The following SART3 variants were observed in gnomAD, a reference collection of about 807,000 sequenced individuals.
SART3 encodes HIV-1 Tat-interacting protein of 110kDa.
In SART3, 44 loss-of-function variants were observed where a neutral mutation model predicts 122.3. The observed-to-expected ratio is 0.36, with a 90% CI of 0.28 to 0.46. The LOEUF (loss-of-function observed/expected upper bound fraction) is 0.46. Among genes scored for constraint, SART3 ranks in the 20% least tolerant of loss-of-function variants. The probability of loss-of-function intolerance (pLI) is 1.00; values close to 1 mark genes in which losing one functional copy is unlikely to be tolerated. For synonymous variants in SART3, 442 were observed against 454.0 expected (o/e 0.97, Z 0.34); for missense variants, 1,101 against 1,229.0 (o/e 0.90, Z 1.56).
rs1435368576 is a variant in SART3, at chr12:108,545,173, C to T, written c.695G>A (p.Arg232Gln). 4 of 1,614,132 alleles carry T rather than the reference C, an allele frequency of 2.5e-6. No individual in the cohort carries two copies. Among genetic ancestry groups the T allele is most frequent in the Non-Finnish European group, 3.4e-6 (4 of 1,180,034 alleles). The change falls in exon 4 of 19, where the codon CGA (arginine) becomes CAA (glutamine). Residue 232 changes from arginine (R) to glutamine (Q), a missense_variant. By Grantham distance (43) the Arg-to-Gln change is conservative. Around this residue, in one of 2 missense-constraint regions of SART3, gnomAD observed 885 missense variants for 1,080.1 expected, o/e 0.82. Coordinates refer to ENST00000546815, the MANE Select transcript of SART3 (RefSeq NM_014706.4). ...TKGLALWEAY[R>Q]EFESAIVEAA... The stretch of plus-strand genomic sequence containing the variant: ...TTCCACAATCGCACTTTCAAACTCT[C>T]GGTAAGCCTCCCAGAGGGCGAGTCC...
chr12:108,545,222 A>T lies in SART3; in HGVS notation c.646T>A (p.Ser216Thr). 1 of 1,614,160 alleles carries T rather than the reference A, an allele frequency of 6.2e-7. No homozygotes were observed. The highest frequency in any genetic ancestry group is 8.5e-7 in the Non-Finnish European group (1 of 1,180,020). ...VRSVFERALSSVGLHMTKGLA... is the reference protein window; with the variant it reads ...VRSVFERALSTVGLHMTKGLA... ...CCTTTGGTCATATGTAAACCAACAG[A>T]CGAGAGAGCCCTTTCAAACACGGAG... The change falls in exon 4 of 19, where the codon TCT (serine) becomes ACT (threonine). Residue 216 changes from serine to threonine, a missense_variant. This residue lies in a region of SART3 where 885 missense variants were observed against 1,080.1 expected (regional missense o/e 0.82). Coordinates refer to ENST00000546815, the MANE Select transcript of SART3 (RefSeq NM_014706.4).
rs184899107 is a variant in SART3 at position 108,533,233 on chromosome 12, G to A, written c.1557-899C>T. 3.5e-3 allele frequency among the ~76,000 whole-genome samples: 535 copies of A among 152,120 alleles called. 2 individuals are homozygous for A. The highest frequency in any genetic ancestry group is 5.2e-3 in the Non-Finnish European group (355 of 67,994). ...TTATAATAATACCAAGACATTACTG[G>A]ACTTTTTCACTGTGTTGACATCTTC... On this transcript the variant is annotated intron_variant, in intron 12 of 18. Coordinates refer to ENST00000546815, the MANE Select transcript of SART3 (RefSeq NM_014706.4).
chr12:108,554,814 T>G (rs2030149510), intron 1 of SART3, among the ~76,000 whole-genome samples: 1 of 151,792 alleles, frequency 6.6e-6, no homozygotes, highest in Non-Finnish European at 1.5e-5. Flanking sequence ...AAGAAACAGA[T>G]ATAGAGAAAA....
At chr12:108,537,216 T>C in intron 9 of SART3, 1 of 461,482 alleles carries the variant, frequency 2.2e-6, no homozygotes, top group Non-Finnish European at 4.0e-6. Context: ...TCAAGAAGTA[T>C]TTAGGATAAA....
At chr12:108,560,563 G>T in intron 1 of SART3, 1 of 462,158 alleles carries the variant, frequency 2.2e-6, no homozygotes. Context: ...GTTATCTTGA[G>T]CAAGAAACTT....
rs376280524 is a variant in SART3, at chr12:108,549,188, G to A, written c.339C>T (p.Asn113=). ...GCAGTCTGATCAAGTCCACATGGCA[G>A]TTGTAGTCATAGACGTTGATAGACA... ...EQLSINVYDY[N]CHVDLIRLLR... Residue 113 remains asparagine (N), a synonymous_variant, in exon 2 of 19, where the codon AAC becomes AAT. Coordinates refer to ENST00000546815, the MANE Select transcript of SART3 (RefSeq NM_014706.4). The A allele has an allele frequency of 2.5e-5, 40 of 1,614,100 alleles. No individual in the cohort carries two copies. The highest frequency in any genetic ancestry group is 3.2e-5 in the Non-Finnish European group (38 of 1,180,038).
At chr12:108,543,237 C>T (rs544430155) in intron 5 of SART3, 85 bp from the exon 6 acceptor site, 183 of 1,502,732 alleles carry the variant, frequency 1.2e-4, no homozygotes, top group Admixed American at 5.5e-4. Flanking sequence ...GACTCAGGTG[C>T]CACTAGCCCC....
In SART3 at chr12:108,543,100, T is replaced by C. The variant is rs1565863875; in HGVS notation, c.834A>G (p.Pro278=). 1.2e-6 allele frequency: 2 copies of C among 1,614,236 alleles called. No homozygotes were observed. Among genetic ancestry groups the C allele is most frequent in the East Asian group, 4.5e-5 (2 of 44,886 alleles). The change falls in exon 6 of 19, where the codon CCA becomes CCG. Residue 278 remains proline, a synonymous_variant. Coordinates refer to ENST00000546815, the MANE Select transcript of SART3 (RefSeq NM_014706.4). Reference sequence around the variant, plus strand: ...TGTTATAGTTCTGAATTACTGACTCTGGTATTGGGTCTTCTGACCATTCTT... The same window carrying C: ...TGTTATAGTTCTGAATTACTGACTCCGGTATTGGGTCTTCTGACCATTCTT... The part of the protein sequence containing the change: ...EYEEWSEDPI[P]ESVIQNYNKA...
intron 6 of SART3, 146 bp downstream of exon 6, chr12:108,542,879 TTTA>T (rs1311149249): frequency 9.0e-7 from 1 of 1,114,378 alleles, no homozygotes. Flanking sequence ...GGATGTTCAC[TTTA>T]TTATTAGTAT....
chr12:108,544,400 G>A, intron 5 of SART3, 27 bp downstream of exon 5: 1 of 1,585,500 alleles, frequency 6.3e-7, no homozygotes, highest in Non-Finnish European at 8.7e-7. Flanking sequence ...ATAGAGGGCT[G>A]GCTGTTGACA....
At chr12:108,545,967 CAAAAA>C (rs367848748) in intron 3 of SART3, among the ~76,000 whole-genome samples, 2 of 108,958 alleles carry the variant, frequency 1.8e-5, no homozygotes, top group South Asian at 7.3e-4. Context: ...GACTCTCTCT[CAAAAA>C]AAAAAAAAAA....
chr12:108,544,740 G>C (rs944453799), intron 4 of SART3: 4 of 607,376 alleles, frequency 6.6e-6, no homozygotes, highest in Non-Finnish European at 8.8e-6. Context: ...TAATGTTTTA[G>C]TTCTTGTAGA....
intron 16 of SART3, 63 bp from the exon 17 acceptor site, chr12:108,525,672 C>T: frequency 6.5e-7 from 1 of 1,530,872 alleles, no homozygotes; most frequent in Non-Finnish European, 9.0e-7. Flanking sequence ...TCACCTGACT[C>T]CTCTGACACC....
rs771158811 is a variant in SART3 at position 108,560,919 on chromosome 12, G to A, written c.236C>T (p.Ser79Phe). The part of the protein sequence containing the change: ...EYAMASSAES[S>F]PGEYEWEYDE... The stretch of plus-strand genomic sequence containing the variant: ...ATATTCCCACTCGTACTCCCCGGGG[G>A]AGCTCTCCGCGGAGGAAGCCATGGC... The change falls in exon 1 of 19, where the codon TCC (serine) becomes TTC (phenylalanine). Residue 79 changes from serine to phenylalanine, a missense_variant. This residue lies in a region of SART3 where 216 missense variants were observed against 148.9 expected (regional missense o/e 1.45). Transcript: ENST00000546815. 2.5e-6 allele frequency: 4 copies of A among 1,613,826 alleles called. No individual in the cohort carries two copies. Among genetic ancestry groups the A allele is most frequent in the Non-Finnish European group, 3.4e-6 (4 of 1,179,886 alleles).
intron 2 of SART3, 144 bp from the exon 3 acceptor site, chr12:108,548,135 A>G: frequency 1.4e-6 from 1 of 723,962 alleles, no homozygotes; most frequent in South Asian, 1.5e-5. Context: ...TAAAACCTGA[A>G]CTAAGCACAT....
At chr12:108,530,452 C>G in intron 14 of SART3, 142 bp from the exon 15 acceptor site, 2 of 887,214 alleles carry the variant, frequency 2.3e-6, no homozygotes, top group East Asian at 2.6e-5. Context: ...AGGCTCACGG[C>G]TGTTCCACAC....
In SART3 at chr12:108,538,155, C is replaced by T. The variant is rs1191290503; in HGVS notation, c.1111G>A (p.Ala371Thr). Reference protein sequence around the residue: ...KDLVLSVHNRAIRNCPWTVAL... With the variant: ...KDLVLSVHNRTIRNCPWTVAL... ...ACTGTCCAGGGGCAGTTTCTAATAG[C>T]GCGGTTATGTACAGATAAAACCAAA... Residue 371 changes from alanine (A) to threonine (T), a missense_variant, in exon 8 of 19, where the codon GCT becomes ACT. Physicochemically the swap from Ala to Thr is moderately conservative, Grantham distance 58. Coordinates refer to ENST00000546815, the MANE Select transcript of SART3 (RefSeq NM_014706.4). The T allele has an allele frequency of 2.0e-5, 32 of 1,614,140 alleles. No individual in the cohort carries two copies. The highest frequency in any genetic ancestry group is 2.7e-5 in the Non-Finnish European group (32 of 1,180,012).
Position 108,523,230 on chromosome 12 carries a change from G to A in SART3, c.*227C>T. 1.7e-6 allele frequency: 1 copy of A among 599,236 alleles called. No homozygotes were observed. Among genetic ancestry groups the A allele is most frequent in the Non-Finnish European group, 3.0e-6 (1 of 335,692 alleles). 37.1% of individuals were successfully genotyped at this position (599,236 alleles called of 1,614,324 possible). A position where few individuals can be genotyped will look rare whatever the true frequency, so the allele number is the denominator to read the frequency against. On this transcript the variant is annotated 3_prime_UTR_variant, in exon 19 of 19. Coordinates refer to ENST00000546815, the MANE Select transcript of SART3 (RefSeq NM_014706.4). Reference sequence around the variant, plus strand: ...ACTATCTCAGGACACCACATCCTGGGCCCAGCCTGCAGAGTGGTCACTTTT... The same window carrying A: ...ACTATCTCAGGACACCACATCCTGGACCCAGCCTGCAGAGTGGTCACTTTT...
intron 9 of SART3, chr12:108,537,116 A>G (rs373837862): frequency 4.6e-6 from 2 of 438,302 alleles, no homozygotes; most frequent in African/African-American, 4.0e-5. Flanking sequence ...AGTACAAGTT[A>G]GGGGTTTTCT....
Sources: allele counts gnomAD v4.1 joint callset (sites outside exome capture counted in the v4.1 genomes callset), GRCh38; gene constraint gnomAD v4.1.1; regional missense constraint gnomAD v4.1.1; transcripts MANE v1.5; gene names NCBI Gene and HGNC (gene_info 2026-07-23, HGNC 2026-07-21).